Variants in KCNH7 observed in about 807,000 individuals in gnomAD.
KCNH7 encodes potassium voltage-gated channel subfamily H member 7, also known as voltage-gated inwardly rectifying potassium channel KCNH7.
A neutral mutation model predicts 120.8 loss-of-function variants in KCNH7; 49 were observed. That is an observed-to-expected ratio of 0.41 (90% CI 0.32 to 0.51). The LOEUF is 0.51. Ranked by LOEUF, KCNH7 falls within the 20% of genes least tolerant of loss-of-function variation. KCNH7 has a pLI of 0.38. For missense variants in KCNH7, 1,097 were observed against 1,446.6 expected, an observed-to-expected ratio of 0.76 and a Z score of 3.92; for synonymous variants, 547 against 516.1, an observed-to-expected ratio of 1.06 and a Z score of -0.81.
chr2:162,651,445 A>G (rs867813581), intron 2 of KCNH7, among the ~76,000 whole-genome samples: 1 of 151,976 alleles, frequency 6.6e-6, no homozygotes, highest in Non-Finnish European at 1.5e-5. Context: ...GCTCCCACTT[A>G]TAAGTGAGAA....
At chr2:162,629,848 C>G (rs1003973530) in intron 2 of KCNH7, among the ~76,000 whole-genome samples, 3 of 152,028 alleles carry the variant, frequency 2.0e-5, no homozygotes, top group Admixed American at 6.6e-5. Flanking sequence ...TCTTTAGAGA[C>G]AGAACATTGA....
At chr2:162,732,410 C>T (rs1418672495) in intron 2 of KCNH7, among the ~76,000 whole-genome samples, 1 of 152,132 alleles carries the variant, frequency 6.6e-6, no homozygotes, top group Non-Finnish European at 1.5e-5. Flanking sequence ...TGATCTCTTT[C>T]TTCAAAAGGT....
At chr2:162,443,818 GTC>G (rs746219664) in intron 7 of KCNH7, among the ~76,000 whole-genome samples, 23 of 152,266 alleles carry the variant, frequency 1.5e-4, no homozygotes, top group Non-Finnish European at 2.9e-4. Flanking sequence ...AGGTGATTTG[GTC>G]TCTGTCTCTG....
At chr2:162,740,416 C>A (rs1030788612) in intron 2 of KCNH7, among the ~76,000 whole-genome samples, 1 of 152,158 alleles carries the variant, frequency 6.6e-6, no homozygotes, top group Non-Finnish European at 1.5e-5. Flanking sequence ...CAGGCACTGA[C>A]AAGTTTGGTA....
chr2:162,777,215 A>G (rs1421279753), intron 2 of KCNH7, among the ~76,000 whole-genome samples: 1 of 152,142 alleles, frequency 6.6e-6, no homozygotes, highest in African/African-American at 2.4e-5. Context: ...CAGATAACCA[A>G]AATCCAAGCA....
At chr2:162,803,768 T>C (rs1441291937) in intron 2 of KCNH7, among the ~76,000 whole-genome samples, 1 of 151,744 alleles carries the variant, frequency 6.6e-6, no homozygotes, top group Non-Finnish European at 1.5e-5. Context: ...GGAACATTTA[T>C]TGAAACTTGG....
intron 2 of KCNH7, among the ~76,000 whole-genome samples, chr2:162,673,409 T>C (rs772166707): frequency 1.3e-5 from 2 of 152,084 alleles, no homozygotes; most frequent in Non-Finnish European, 2.9e-5. Flanking sequence ...ATTAGTAGAA[T>C]CCACCACATA....
intron 9 of KCNH7, among the ~76,000 whole-genome samples, chr2:162,412,692 C>T (rs113204681): frequency 6.6e-6 from 1 of 152,070 alleles, no homozygotes; most frequent in African/African-American, 2.4e-5. Context: ...ATTAATAGAA[C>T]ATGACTTTCT....
At chr2:162,420,193 T>C (rs955617074) in intron 9 of KCNH7, among the ~76,000 whole-genome samples, 3 of 152,018 alleles carry the variant, frequency 2.0e-5, no homozygotes, top group Non-Finnish European at 4.4e-5. Flanking sequence ...CTGGCCAACA[T>C]GGTGAAAGCC....
intron 2 of KCNH7, among the ~76,000 whole-genome samples, chr2:162,597,096 T>G (rs1694402946): frequency 6.6e-6 from 1 of 152,106 alleles, no homozygotes; most frequent in Non-Finnish European, 1.5e-5. Flanking sequence ...ACACTGTTGG[T>G]CAGAATGTAA....
intron 6 of KCNH7, among the ~76,000 whole-genome samples, chr2:162,463,639 G>T (rs1689220618): frequency 6.6e-6 from 1 of 151,962 alleles, no homozygotes. Flanking sequence ...TAAGGAGGAT[G>T]AAGTTGGTTA....
chr2:162,483,277 A>C (rs1689987738), intron 6 of KCNH7, among the ~76,000 whole-genome samples: 1 of 152,196 alleles, frequency 6.6e-6, no homozygotes, highest in African/African-American at 2.4e-5. Context: ...ATTTGTCATT[A>C]TAATCCCTTT....
intron 2 of KCNH7, among the ~76,000 whole-genome samples, chr2:162,737,198 A>G (rs1687944826): frequency 6.6e-6 from 1 of 152,180 alleles, no homozygotes; most frequent in South Asian, 2.1e-4. Flanking sequence ...CCTGGTCTGT[A>G]TGAGTTGGCT....
intron 12 of KCNH7, among the ~76,000 whole-genome samples, chr2:162,385,685 G>A (rs1686551773): frequency 1.3e-5 from 2 of 151,800 alleles, no homozygotes. Context: ...GTGTCCTGGG[G>A]AGACAGTATA....
In KCNH7 at chr2:162,435,574, C is replaced by T. The variant is rs1688205912; in HGVS notation, c.1578G>A (p.Leu526=). The T allele has an allele frequency of 1.3e-6, 2 of 1,598,652 alleles. No homozygotes were observed. Among genetic ancestry groups the T allele is most frequent in the South Asian group, 1.1e-5 (1 of 89,922 alleles). ...SDETTTLIGL[L]KTARLLRLVR... ...CAAGACGGAGGAGTCGGGCAGTCTT[C>T]AAAAGACCAATTAATGTTGTTGTCT... Residue 526 remains leucine (L), a synonymous_variant, in exon 8 of 16, where the codon TTG becomes TTA. Coordinates refer to ENST00000332142, the MANE Select transcript of KCNH7 (RefSeq NM_033272.4).
At chr2:162,542,012 T>C (rs1283269084) in intron 2 of KCNH7, among the ~76,000 whole-genome samples, 1 of 151,940 alleles carries the variant, frequency 6.6e-6, no homozygotes, top group Non-Finnish European at 1.5e-5. Context: ...AAGTATGAAA[T>C]TGTATTTTGG....
At chr2:162,542,382 T>C (rs976113157) in intron 2 of KCNH7, among the ~76,000 whole-genome samples, 7 of 146,870 alleles carry the variant, frequency 4.8e-5, no homozygotes, top group African/African-American at 1.8e-4. Flanking sequence ...GTATATCTCC[T>C]AATGCTATCC....
chr2:162,388,593 G>A (rs1686649387), intron 12 of KCNH7, among the ~76,000 whole-genome samples: 1 of 151,740 alleles, frequency 6.6e-6, no homozygotes. Flanking sequence ...GTTTGCTATT[G>A]AAGAAGATAT....
intron 2 of KCNH7, among the ~76,000 whole-genome samples, chr2:162,806,794 A>G (rs929472927): frequency 6.6e-6 from 1 of 152,160 alleles, no homozygotes; most frequent in Non-Finnish European, 1.5e-5. Context: ...ATTAAGGAGT[A>G]GTGATTTTTT....
Sources: allele counts gnomAD v4.1 joint callset (sites outside exome capture counted in the v4.1 genomes callset), GRCh38; gene constraint gnomAD v4.1.1; transcripts MANE v1.5; gene names NCBI Gene and HGNC (gene_info 2026-07-23, HGNC 2026-07-21).